ALPK2: variants seen among roughly 807,000 people sequenced by gnomAD.
ALPK2 encodes the protein alpha-protein kinase 2.
A neutral mutation model predicts 163.1 loss-of-function variants in ALPK2; 127 were observed. The ratio of observed to expected loss-of-function variants is 0.78; its 90% CI spans 0.67 to 0.90. The LOEUF (loss-of-function observed/expected upper bound fraction) is 0.90, where lower values mean the gene tolerates loss of function less well. Among genes scored for constraint, ALPK2 ranks in the 40% least tolerant of loss-of-function variants. ALPK2 has a pLI of 0.00. For synonymous variants in ALPK2, 953 were observed against 959.1 expected (o/e 0.99, Z 0.12); for missense variants, 2,360 against 2,589.6 (o/e 0.91, Z 1.92).
intron 3 of ALPK2, among the ~76,000 whole-genome samples, chr18:58,583,737 CAAA>C (rs576126970): frequency 0.36 from 43,564 of 119,448 alleles, 7,218 homozygotes; most frequent in East Asian, 0.65. Flanking sequence ...GACTTTGTCT[CAAA>C]AAAAAAAAAA....
At chr18:58,590,478 G>A (rs2052009582) in intron 3 of ALPK2, among the ~76,000 whole-genome samples, 1 of 152,170 alleles carries the variant, frequency 6.6e-6, no homozygotes, top group African/African-American at 2.4e-5. Context: ...GGAGGGGGAA[G>A]AGGGCTCCAC....
rs571732412 is a variant in ALPK2, at chr18:58,491,357, A to G, written c.6296+6692T>C. ...CCTTTGCAGGACTAACAAATTAGCC[A>G]AAAGATTAGAAATTATGGTTTAGGA... On this transcript the variant is annotated intron_variant, in intron 12 of 12. Transcript: ENST00000361673. 7.7e-4 allele frequency among the ~76,000 whole-genome samples: 117 copies of G among 152,366 alleles called. 1 individual carries two copies. The highest frequency in any genetic ancestry group is 1.3e-3 in the Non-Finnish European group (86 of 68,036).
At chr18:58,588,108 A>G (rs2051996360) in intron 3 of ALPK2, among the ~76,000 whole-genome samples, 1 of 152,264 alleles carries the variant, frequency 6.6e-6, no homozygotes, top group African/African-American at 2.4e-5. Flanking sequence ...GAGGAAATCC[A>G]GCAGAGGTGC....
At chr18:58,614,018 A>G (rs533820717) in intron 1 of ALPK2, among the ~76,000 whole-genome samples, 16 of 152,328 alleles carry the variant, frequency 1.1e-4, no homozygotes, top group Non-Finnish European at 2.1e-4. Flanking sequence ...CACTCTGTAA[A>G]TATCAGGGTT....
intron 10 of ALPK2, among the ~76,000 whole-genome samples, chr18:58,504,734 A>G (rs12717122): frequency 0.22 from 33,299 of 152,160 alleles, 4,243 homozygotes; most frequent in South Asian, 0.42. Flanking sequence ...TAGGTGGGAA[A>G]ACTCAGCAGT....
intron 4 of ALPK2, among the ~76,000 whole-genome samples, chr18:58,563,110 C>G (rs1180066072): frequency 6.6e-6 from 1 of 152,186 alleles, no homozygotes; most frequent in Non-Finnish European, 1.5e-5. Flanking sequence ...CATATATGGT[C>G]CTAGAAATAT....
At chr18:58,520,323 G>A (rs1602198382) in intron 8 of ALPK2, among the ~76,000 whole-genome samples, 2 of 151,088 alleles carry the variant, frequency 1.3e-5, no homozygotes, top group South Asian at 2.1e-4. Flanking sequence ...CAACTACTTG[G>A]GAGACTGAGG....
intron 5 of ALPK2, among the ~76,000 whole-genome samples, chr18:58,529,809 G>A (rs1425073634): frequency 6.6e-6 from 1 of 152,220 alleles, no homozygotes; most frequent in African/African-American, 2.4e-5. Context: ...TAGCAAAAGA[G>A]AATAGAAGCA....
intron 4 of ALPK2, chr18:58,566,590 G>T (rs1052368475): frequency 1.3e-5 from 2 of 152,204 alleles, no homozygotes; most frequent in African/African-American, 4.8e-5. Flanking sequence ...TTATTGCCAA[G>T]TGACCCTCCT....
intron 3 of ALPK2, among the ~76,000 whole-genome samples, chr18:58,581,323 T>TG (rs1246689992): frequency 6.6e-6 from 1 of 152,190 alleles, no homozygotes; most frequent in Non-Finnish European, 1.5e-5. Flanking sequence ...GATAATACCA[T>TG]GATAGGACTA....
chr18:58,607,428 G>A lies in ALPK2; in HGVS notation c.121C>T (p.Pro41Ser), dbSNP rs200352362. The A allele has an allele frequency of 6.8e-6, 11 of 1,609,242 alleles. No individual in the cohort carries two copies. In the African/African-American group the frequency reaches 1.3e-4, roughly 20 times the overall value. The change falls in exon 3 of 13, where the codon CCA (proline) becomes TCA (serine). Residue 41 changes from proline (P) to serine (S), a missense_variant. Coordinates refer to ENST00000361673, the MANE Select transcript of ALPK2 (RefSeq NM_052947.4). ...CCATTCTTATACCAAGTTACCTCTG[G>A]CTTGGGCTGACCTGACAATAAAGAA... The part of the protein sequence containing the change: ...LRCIISGQPK[P>S]EVTWYKNGQA...
intron 2 of ALPK2, among the ~76,000 whole-genome samples, chr18:58,611,310 C>T (rs2052129911): frequency 6.7e-6 from 1 of 149,208 alleles, no homozygotes; most frequent in Non-Finnish European, 1.5e-5. Context: ...TAAAGAATAA[C>T]AGAAGAGTTC....
chr18:58,481,961 G>T lies in ALPK2; in HGVS notation c.6375C>A (p.Cys2125Ter). 1 of 1,614,166 alleles carries T rather than the reference G, an allele frequency of 6.2e-7. No individual in the cohort carries two copies. Reference protein sequence around the residue: ...FKALHQCNKYCKMLGLKSLQN... With the variant: ...FKALHQCNKY The stretch of plus-strand genomic sequence containing the variant: ...GAAGGGATTTCAGTCCCAGCATTTT[G>T]CAATACTTGTTACACTGGTGTAGTG... The change falls in exon 13 of 13, where the codon TGC becomes TGA. Residue 2125 changes from cysteine (C) to a stop codon, truncating the protein, a stop_gained. Coordinates refer to ENST00000361673, the MANE Select transcript of ALPK2 (RefSeq NM_052947.4). LOFTEE classifies it low-confidence loss of function (END_TRUNC).
At chr18:58,506,889 A>G (rs2051464778) in intron 10 of ALPK2, among the ~76,000 whole-genome samples, 1 of 152,144 alleles carries the variant, frequency 6.6e-6, no homozygotes, top group African/African-American at 2.4e-5. Flanking sequence ...TCCTTCCCGA[A>G]TCCTGATCAT....
intron 4 of ALPK2, among the ~76,000 whole-genome samples, chr18:58,553,162 C>T (rs112709631): frequency 6.6e-6 from 1 of 152,182 alleles, no homozygotes; most frequent in Non-Finnish European, 1.5e-5. Flanking sequence ...CCAGGGAAAA[C>T]CAATACTGCC....
intron 10 of ALPK2, among the ~76,000 whole-genome samples, chr18:58,513,830 C>T (rs2051507183): frequency 6.6e-6 from 1 of 152,118 alleles, no homozygotes; most frequent in South Asian, 2.1e-4. Context: ...GTGATTGCAC[C>T]ACTGCCCTCC....
chr18:58,578,657 G>A (rs1401035453), intron 4 of ALPK2, 157 bp downstream of exon 4: 1 of 698,188 alleles, frequency 1.4e-6, no homozygotes, highest in Non-Finnish European at 2.3e-6. Flanking sequence ...TCATGCACAA[G>A]TACCCTGATG....
At chr18:58,566,295 C>G (rs932926386) in intron 4 of ALPK2, among the ~76,000 whole-genome samples, 2 of 152,138 alleles carry the variant, frequency 1.3e-5, no homozygotes, top group African/African-American at 4.8e-5. Context: ...AGTTGAAAGA[C>G]TATTTCTATC....
intron 3 of ALPK2, among the ~76,000 whole-genome samples, chr18:58,604,474 T>G (rs917604163): frequency 9.2e-5 from 14 of 152,160 alleles, no homozygotes; most frequent in Admixed American, 3.9e-4. Context: ...GGATTCCGAT[T>G]TAATTGGTCA....
Sources: gnomAD v4.1 joint callset for allele counts (sites outside exome capture counted in the v4.1 genomes callset) on GRCh38, gnomAD v4.1.1 for gene constraint, MANE v1.5 for transcripts, NCBI Gene and HGNC (gene_info 2026-07-23, HGNC 2026-07-21) for gene names.